ARPP19: variants seen among roughly 807,000 people sequenced by gnomAD.
ARPP19 encodes cAMP regulated phosphoprotein 19.
ARPP19 carries 8 observed loss-of-function variants against 12.0 expected under a neutral mutation model. That is an observed-to-expected ratio of 0.67 (90% CI 0.39 to 1.21). The LOEUF is 1.21. Ranked by LOEUF, ARPP19 falls within the 50% of genes most tolerant of loss-of-function variation. The probability of loss-of-function intolerance (pLI) is 0.01; values close to 1 mark genes in which losing one functional copy is unlikely to be tolerated. For missense variants in ARPP19, 102 were observed against 136.3 expected (o/e 0.75, Z 1.25); for synonymous variants, 47 against 50.4 (o/e 0.93, Z 0.29).
At chr15:52,564,406 T>C (rs1291787985) in intron 1 of ARPP19, among the ~76,000 whole-genome samples, 1 of 152,214 alleles carries the variant, frequency 6.6e-6, no homozygotes, top group Non-Finnish European at 1.5e-5. Flanking sequence ...AGTAAGACCC[T>C]GTCTCAAACA....
intron 1 of ARPP19, among the ~76,000 whole-genome samples, chr15:52,561,754 C>T (rs1349329543): frequency 6.6e-6 from 1 of 150,554 alleles, no homozygotes; most frequent in Non-Finnish European, 1.5e-5. Context: ...ACAGACTGTC[C>T]ATTTAAATCC....
At position 52,568,947 on chromosome 15, in the gene ARPP19, A is replaced by G; in HGVS notation, c.-55T>C. On this transcript the variant is annotated 5_prime_UTR_variant, in exon 1 of 3. Coordinates refer to ENST00000249822, the MANE Select transcript of ARPP19 (RefSeq NM_006628.6). ...AAAAGATGCAATTAGCGGGTGGCCG[A>G]GGCCACCCGGCCGCCGCCCGTCCCA... is the stretch of plus-strand genomic sequence containing the variant. 1 of 739,000 alleles carries G rather than the reference A, an allele frequency of 1.4e-6. No homozygotes were observed. Among genetic ancestry groups the G allele is most frequent in the Non-Finnish European group, 2.1e-6 (1 of 474,034 alleles). The allele number at this position is 739,000 out of a possible 1,614,324, so 45.8% of individuals were successfully genotyped here. A position where few individuals can be genotyped will look rare whatever the true frequency, so the allele number is the denominator to read the frequency against.
chr15:52,564,610 C>T (rs910598874), intron 1 of ARPP19, among the ~76,000 whole-genome samples: 6 of 152,100 alleles, frequency 3.9e-5, no homozygotes, highest in African/African-American at 1.4e-4. Context: ...AGGCACCAAC[C>T]TGTATCTCTT....
rs1468342312 is a variant in ARPP19, at chr15:52,551,333, T to TA, written c.*600dup. The TA allele has an allele frequency of 2.6e-5, 4 of 152,724 alleles. No homozygotes were observed. The East Asian group carries it at 7.7e-4, about 29-fold the overall frequency. The allele number at this position is 152,724 out of a possible 1,614,324, so 9.5% of individuals were successfully genotyped here. A position where few individuals can be genotyped will look rare whatever the true frequency, so the allele number is the denominator to read the frequency against. ...GAATATTAGCTTCAACGGCAGCTGT[T>TA]AAGCACTAGAGTCACATAAGTTACA... On this transcript the variant is annotated 3_prime_UTR_variant, in exon 3 of 3. Transcript: ENST00000249822.
Position 52,547,091 on chromosome 15 carries a change from C to G in ARPP19, c.*4843G>C, listed in dbSNP as rs1328842445. 3 of 51,210 alleles carry G rather than the reference C, an allele frequency of 5.9e-5. No individual in the cohort carries two copies. The highest frequency in any genetic ancestry group is 1.3e-4 in the Non-Finnish European group (3 of 22,854). 3.2% of individuals were successfully genotyped at this position (51,210 alleles called of 1,614,324 possible). A position where few individuals can be genotyped will look rare whatever the true frequency, so the allele number is the denominator to read the frequency against. ...TCCTACCTTAAGTACAAAGCCTTTA[C>G]AAATGCAAAAAAAAAAAAAAAATCA... On this transcript the variant is annotated 3_prime_UTR_variant, in exon 3 of 3. Coordinates refer to ENST00000249822, the MANE Select transcript of ARPP19 (RefSeq NM_006628.6).
At position 52,548,285 on chromosome 15, in the gene ARPP19, G is replaced by A. The variant is rs1724576; in HGVS notation, c.*3649C>T. 0.55 allele frequency: 83,403 copies of A among 152,038 alleles called. 27,676 individuals are homozygous for A. The highest frequency in any genetic ancestry group is 0.73 in the Non-Finnish European group (49,458 of 67,946). 9.4% of individuals were successfully genotyped at this position (152,038 alleles called of 1,614,324 possible). On this transcript the variant is annotated 3_prime_UTR_variant, in exon 3 of 3. Transcript: ENST00000249822. ...GTGGATCACCTGAGGTCAGGAGTTC[G>A]AGACCAGCCTGGCCAACATGGTGAA...
intron 2 of ARPP19, among the ~76,000 whole-genome samples, chr15:52,552,675 T>C (rs2077946186): frequency 1.3e-5 from 2 of 150,298 alleles, no homozygotes; most frequent in African/African-American, 4.9e-5. Context: ...ACTAATATAA[T>C]ATTAAGCTAT....
At chr15:52,569,233 A>G, upstream of ARPP19, 1 of 342,230 alleles carries the variant, frequency 2.9e-6, no homozygotes, top group Non-Finnish European at 5.3e-6. Flanking sequence ...TGGGAATTGT[A>G]GTTTCTAAGT....
At position 52,559,693 on chromosome 15, in the gene ARPP19, C is replaced by G. The variant is rs183738882; in HGVS notation, c.46-2471G>C. 2.6e-4 allele frequency among the ~76,000 whole-genome samples: 39 copies of G among 152,184 alleles called. No individual in the cohort carries two copies. The East Asian group carries it at 7.1e-3, about 28-fold the overall frequency. On this transcript the variant is annotated intron_variant, in intron 1 of 2. Transcript: ENST00000249822. ...GAAATAAACATAAATGTAAGATTAC[C>G]AAGTTTAATGTAGGAAGGCGGGCTG...
intron 2 of ARPP19, among the ~76,000 whole-genome samples, chr15:52,556,677 G>A (rs996306339): frequency 3.9e-5 from 6 of 152,118 alleles, no homozygotes; most frequent in Non-Finnish European, 7.4e-5. Flanking sequence ...ATGGGCAGAA[G>A]GATAAACACC....
In ARPP19 at chr15:52,549,987, C is replaced by G. The variant is rs2077914216; in HGVS notation, c.*1947G>C. 6.6e-6 allele frequency: 1 copy of G among 152,562 alleles called. No individual in the cohort carries two copies. Among genetic ancestry groups the G allele is most frequent in the African/African-American group, 2.4e-5 (1 of 41,410 alleles). The allele number at this position is 152,562 out of a possible 1,614,324, so 9.5% of individuals were successfully genotyped here. ...AAGCTTTCCTCAGAGCACTAGGCAG[C>G]CTTTAACTTAAGGTGCTATGTTTGA... On this transcript the variant is annotated 3_prime_UTR_variant, in exon 3 of 3. Transcript: ENST00000249822.
At position 52,568,885 on chromosome 15, in the gene ARPP19, G is replaced by A. The variant is rs764754663; in HGVS notation, c.8C>T (p.Ala3Val). 83 of 1,565,620 alleles carry A rather than the reference G, an allele frequency of 5.3e-5. No homozygotes were observed. Among genetic ancestry groups the A allele is most frequent in the Non-Finnish European group, 6.6e-5 (76 of 1,159,308 alleles). MSAEVPEAASAEE... is the reference protein window; with the variant it reads MSVEVPEAASAEE... ...CGCGGAGGCTGCCTCGGGGACTTCC[G>A]CAGACATAGTGCTCCCTCTGCAGAC... Residue 3 changes from alanine (A) to valine (V), a missense_variant, in exon 1 of 3, where the codon GCG (alanine) becomes GTG (valine). By Grantham distance (64) the Ala-to-Val change is moderately conservative. Coordinates refer to ENST00000249822, the MANE Select transcript of ARPP19 (RefSeq NM_006628.6).
At chr15:52,568,396 G>A (rs1325118639) in intron 1 of ARPP19, 1 of 158,506 alleles carries the variant, frequency 6.3e-6, no homozygotes, top group African/African-American at 2.4e-5. Context: ...TACAAGGGTT[G>A]GCCCTGAAAT....
rs2077903650 is a variant in ARPP19, at chr15:52,548,896, G to A, written c.*3038C>T. 1 of 152,648 alleles carries A rather than the reference G, an allele frequency of 6.6e-6. No homozygotes were observed. The allele number at this position is 152,648 out of a possible 1,614,324, so 9.5% of individuals were successfully genotyped here. A position where few individuals can be genotyped will look rare whatever the true frequency, so the allele number is the denominator to read the frequency against. On this transcript the variant is annotated 3_prime_UTR_variant, in exon 3 of 3. Coordinates refer to ENST00000249822, the MANE Select transcript of ARPP19 (RefSeq NM_006628.6). ...GCAACTAATTCCAACTGTTGAAGTA[G>A]TAACAAGTAAAGGCTTCACCAGGCT... is the stretch of plus-strand genomic sequence containing the variant.
chr15:52,563,879 T>C (rs1191738813), intron 1 of ARPP19, among the ~76,000 whole-genome samples: 1 of 152,224 alleles, frequency 6.6e-6, no homozygotes, highest in Admixed American at 6.5e-5. Context: ...ATTACTGTTG[T>C]CATTCTATTA....
At chr15:52,555,693 CCT>C (rs1344254333) in intron 2 of ARPP19, among the ~76,000 whole-genome samples, 2 of 151,696 alleles carry the variant, frequency 1.3e-5, no homozygotes, top group Non-Finnish European at 1.5e-5. Flanking sequence ...TAATCCATAC[CCT>C]GTTCTGAAAC....
chr15:52,556,931 G>T, intron 2 of ARPP19, 169 bp downstream of exon 2: 2 of 581,294 alleles, frequency 3.4e-6, no homozygotes, highest in Non-Finnish European at 5.8e-6. Flanking sequence ...TTCTCACAAT[G>T]CTTATTTATA....
intron 1 of ARPP19, among the ~76,000 whole-genome samples, chr15:52,566,575 C>A (rs973819815): frequency 6.6e-5 from 10 of 152,062 alleles, no homozygotes. Flanking sequence ...TACAGACATG[C>A]CACCACACCT....
chr15:52,569,239 T>G, upstream of ARPP19: 1 of 332,330 alleles, frequency 3.0e-6, no homozygotes, highest in Non-Finnish European at 5.5e-6. Flanking sequence ...TTGTAGTTTC[T>G]AAGTGGAACC....
Sources: gnomAD v4.1 joint callset for allele counts (sites outside exome capture counted in the v4.1 genomes callset) on GRCh38, gnomAD v4.1.1 for gene constraint, MANE v1.5 for transcripts, NCBI Gene and HGNC (gene_info 2026-07-23, HGNC 2026-07-21) for gene names.